Variants in TEK observed in about 807,000 individuals in gnomAD.
TEK encodes angiopoietin-1 receptor.
In TEK, 43 loss-of-function variants were observed where a neutral mutation model predicts 131.8. That is an observed-to-expected ratio of 0.33 (90% CI 0.26 to 0.42). The LOEUF (loss-of-function observed/expected upper bound fraction) is 0.42. Ranked by LOEUF, TEK falls within the 10% of genes least tolerant of loss-of-function variation. The pLI is 1.00. For missense variants in TEK, 1,162 were observed against 1,384.4 expected (o/e 0.84, Z 2.55); for synonymous variants, 580 against 491.6 (o/e 1.18, Z -2.38).
intron 1 of TEK, among the ~76,000 whole-genome samples, chr9:27,152,744 C>G (rs1334631520): frequency 6.6e-6 from 1 of 152,080 alleles, no homozygotes; most frequent in Admixed American, 6.6e-5. Context: ...ATTACAGTTT[C>G]TTTAAACACA....
chr9:27,217,450 C>G (rs898134946), intron 18 of TEK, among the ~76,000 whole-genome samples: 6 of 152,222 alleles, frequency 3.9e-5, no homozygotes. Flanking sequence ...GACCGACTAC[C>G]ATGCGTGCAC....
At position 27,183,439 on chromosome 9, in the gene TEK, G is replaced by A; in HGVS notation, c.1031-20G>A. On this transcript the variant is annotated intron_variant, in intron 7 of 22. Transcript: ENST00000380036. The stretch of plus-strand genomic sequence containing the variant: ...GCTCTGTTAAATATTAGATTTCACA[G>A]TGCTGTTTTCTTCCTTCAGGCATAC... The A allele has an allele frequency of 6.2e-7, 1 of 1,613,082 alleles. No individual in the cohort carries two copies. Among genetic ancestry groups the A allele is most frequent in the Non-Finnish European group, 8.5e-7 (1 of 1,179,236 alleles).
chr9:27,192,983 T>C (rs896325951), intron 11 of TEK, among the ~76,000 whole-genome samples: 9 of 152,208 alleles, frequency 5.9e-5, no homozygotes, highest in African/African-American at 2.2e-4. Flanking sequence ...ATCACTGGCT[T>C]CCTGTTTCCA....
At chr9:27,158,323 A>G (rs145977565) in intron 2 of TEK, among the ~76,000 whole-genome samples, 181 bp downstream of exon 2, 65 of 152,162 alleles carry the variant, frequency 4.3e-4, no homozygotes, top group Non-Finnish European at 4.4e-4. Context: ...GATAAAGGAG[A>G]CTACCCAGTC....
intron 16 of TEK, among the ~76,000 whole-genome samples, chr9:27,210,860 T>C (rs1224335283): frequency 6.6e-6 from 1 of 152,192 alleles, no homozygotes; most frequent in Non-Finnish European, 1.5e-5. Context: ...GGCTCACGCC[T>C]ATAATCCCAG....
chr9:27,147,792 T>C (rs916690687), intron 1 of TEK, among the ~76,000 whole-genome samples: 2 of 152,352 alleles, frequency 1.3e-5, no homozygotes, highest in Admixed American at 1.3e-4. Flanking sequence ...TTTTTTTGCA[T>C]ATTGATGTCC....
intron 2 of TEK, among the ~76,000 whole-genome samples, chr9:27,163,500 A>G (rs749134049): frequency 1.3e-5 from 2 of 152,162 alleles, no homozygotes; most frequent in Non-Finnish European, 2.9e-5. Context: ...AGGAGGAGAA[A>G]AGAAGAAAGA....
intron 21 of TEK, among the ~76,000 whole-genome samples, 177 bp downstream of exon 21, chr9:27,220,322 G>C (rs575787806): frequency 1.3e-5 from 2 of 152,240 alleles, no homozygotes; most frequent in Admixed American, 6.5e-5. Context: ...TAATACACAA[G>C]AAGTATTAGC....
At chr9:27,148,904 G>T (rs1823030463) in intron 1 of TEK, among the ~76,000 whole-genome samples, 1 of 152,062 alleles carries the variant, frequency 6.6e-6, no homozygotes, top group East Asian at 1.9e-4. Context: ...ATAATCTTTT[G>T]CTGTATAGAA....
chr9:27,136,998 C>G (rs1311171164), intron 1 of TEK, among the ~76,000 whole-genome samples: 1 of 152,142 alleles, frequency 6.6e-6, no homozygotes, highest in African/African-American at 2.4e-5. Flanking sequence ...TCACTGCAAC[C>G]TCTGCCTCCC....
chr9:27,229,108 G>C (rs981711445), intron 22 of TEK, 50 bp from the exon 23 acceptor site: 1 of 1,560,206 alleles, frequency 6.4e-7, no homozygotes, highest in Non-Finnish European at 8.8e-7. Context: ...GCCGCTGGCA[G>C]AGGTGGAATC....
intron 1 of TEK, among the ~76,000 whole-genome samples, chr9:27,118,709 G>A (rs622232): frequency 0.49 from 74,952 of 151,860 alleles, 19,509 homozygotes; most frequent in East Asian, 0.91. Context: ...AAGAACTGCC[G>A]TGCTTTCCCT....
At chr9:27,193,275 T>A (rs546760108) in intron 11 of TEK, among the ~76,000 whole-genome samples, 5 of 152,298 alleles carry the variant, frequency 3.3e-5, no homozygotes, top group African/African-American at 1.2e-4. Flanking sequence ...TCCATCAGAA[T>A]CACTCAGAGA....
chr9:27,172,869 T>C, intron 5 of TEK, 122 bp downstream of exon 5: 4 of 1,337,136 alleles, frequency 3.0e-6, no homozygotes, highest in Middle Eastern at 1.8e-4. Context: ...GGTCAGATGG[T>C]ACCTGTGTGT....
intron 1 of TEK, among the ~76,000 whole-genome samples, chr9:27,131,595 A>T (rs1822226632): frequency 6.6e-6 from 1 of 150,826 alleles, no homozygotes; most frequent in Non-Finnish European, 1.5e-5. Flanking sequence ...GGATCGTTTG[A>T]GCCTAGGAGT....
chr9:27,173,220 A>ACT lies in TEK; in HGVS notation c.761-2_761-1insCT. Reference sequence around the variant, plus strand: ...GAATCATCTTTTCTTTTCCTCCCAAAGCTTGTGAACTGCACACGTTTGGCA... The same window carrying ACT: ...GAATCATCTTTTCTTTTCCTCCCAAACTGCTTGTGAACTGCACACGTTTGGCA... On this transcript the variant is annotated splice_acceptor_variant, in intron 5 of 22. Coordinates refer to ENST00000380036, the MANE Select transcript of TEK (RefSeq NM_000459.5). LOFTEE classifies it high-confidence loss of function. 1 of 1,613,982 alleles carries ACT rather than the reference A, an allele frequency of 6.2e-7. No individual in the cohort carries two copies. The highest frequency in any genetic ancestry group is 8.5e-7 in the Non-Finnish European group (1 of 1,179,898).
chr9:27,197,941 G>T (rs902355271), intron 12 of TEK, among the ~76,000 whole-genome samples: 1 of 152,118 alleles, frequency 6.6e-6, no homozygotes, highest in Non-Finnish European at 1.5e-5. Context: ...ACAGATGTCA[G>T]TTAATTCCAG....
At position 27,213,466 on chromosome 9, in the gene TEK, T is replaced by G; in HGVS notation, c.2878-18T>G. ...CTTTCATTAGGCTGAAAATACATAA[T>G]GTTTTCAAAAATTTCAGTTTATCCA... On this transcript the variant is annotated intron_variant, in intron 17 of 22. Coordinates refer to ENST00000380036, the MANE Select transcript of TEK (RefSeq NM_000459.5). 1 of 1,595,570 alleles carries G rather than the reference T, an allele frequency of 6.3e-7. No individual in the cohort carries two copies. Among genetic ancestry groups the G allele is most frequent in the Non-Finnish European group, 8.6e-7 (1 of 1,163,350 alleles).
chr9:27,115,518 C>CG (rs1821517258), intron 1 of TEK, among the ~76,000 whole-genome samples: 2 of 151,866 alleles, frequency 1.3e-5, no homozygotes, highest in Non-Finnish European at 2.9e-5. Flanking sequence ...AACAAACAAA[C>CG]AAACGAAACT....
Sources: allele counts gnomAD v4.1 joint callset (sites outside exome capture counted in the v4.1 genomes callset), GRCh38; gene constraint gnomAD v4.1.1; transcripts MANE v1.5; gene names NCBI Gene and HGNC (gene_info 2026-07-23, HGNC 2026-07-21).